The following THSD7B variants were observed in gnomAD, a reference collection of about 807,000 sequenced individuals.
THSD7B encodes thrombospondin type-1 domain-containing protein 7B.
Under a neutral mutation model 213.6 loss-of-function variants are expected in THSD7B, and 138 were observed. That is an observed-to-expected ratio of 0.65 (90% confidence interval 0.56 to 0.74). The LOEUF (loss-of-function observed/expected upper bound fraction) is 0.74. Among genes scored for constraint, THSD7B ranks in the 30% least tolerant of loss-of-function variants. THSD7B has a pLI of 0.00. For missense variants in THSD7B, 1,931 were observed against 1,991.5 expected (o/e 0.97, Z 0.58); for synonymous variants, 742 against 687.0 (o/e 1.08, Z -1.25).
chr2:137,168,439 G>A (rs150647217), intron 6 of THSD7B, among the ~76,000 whole-genome samples: 1 of 152,298 alleles, frequency 6.6e-6, no homozygotes, highest in East Asian at 1.9e-4. Context: ...TTAAGTGCTA[G>A]CAAGAGAATC....
At chr2:136,820,160 A>AT (rs1682544323) in intron 1 of THSD7B, among the ~76,000 whole-genome samples, 1 of 152,192 alleles carries the variant, frequency 6.6e-6, no homozygotes. Flanking sequence ...GAAGGAAGAC[A>AT]TTTTTGTTTC....
intron 1 of THSD7B, among the ~76,000 whole-genome samples, chr2:136,778,954 G>C (rs1010034573): frequency 6.6e-6 from 1 of 152,124 alleles, no homozygotes; most frequent in South Asian, 2.1e-4. Context: ...ATTTTTAAAA[G>C]AGACTCAGGC....
intron 6 of THSD7B, among the ~76,000 whole-genome samples, chr2:137,164,795 C>T (rs1359579218): frequency 6.6e-6 from 1 of 152,146 alleles, no homozygotes; most frequent in Non-Finnish European, 1.5e-5. Context: ...AAACCAAACA[C>T]CGCATATTCT....
chr2:137,263,274 T>TAC (rs964188130), intron 10 of THSD7B, among the ~76,000 whole-genome samples: 4 of 151,774 alleles, frequency 2.6e-5, no homozygotes, highest in African/African-American at 4.8e-5. Flanking sequence ...TATATATATA[T>TAC]ACACACACAT....
At chr2:136,916,123 G>A (rs1206321308) in intron 2 of THSD7B, among the ~76,000 whole-genome samples, 1 of 152,108 alleles carries the variant, frequency 6.6e-6, no homozygotes, top group Non-Finnish European at 1.5e-5. Flanking sequence ...TTTTGTTTTT[G>A]TTTCTTGTTT....
intron 15 of THSD7B, among the ~76,000 whole-genome samples, chr2:137,474,801 T>A (rs1440495588): frequency 6.6e-6 from 1 of 152,148 alleles, no homozygotes; most frequent in Admixed American, 6.5e-5. Flanking sequence ...ATGATGAAAA[T>A]AGTTTCTATC....
intron 14 of THSD7B, among the ~76,000 whole-genome samples, chr2:137,426,415 C>T (rs950461053): frequency 1.4e-4 from 21 of 152,040 alleles, no homozygotes; most frequent in African/African-American, 5.1e-4. Context: ...CACCACACTT[C>T]CTGAGTTAAA....
At chr2:137,551,779 G>A (rs1680853250) in intron 15 of THSD7B, among the ~76,000 whole-genome samples, 1 of 152,056 alleles carries the variant, frequency 6.6e-6, no homozygotes, top group Admixed American at 6.6e-5. Context: ...GTATTCTGAG[G>A]ACATCTGCTC....
chr2:136,828,784 G>C (rs1399969636), intron 1 of THSD7B, among the ~76,000 whole-genome samples: 1 of 152,148 alleles, frequency 6.6e-6, no homozygotes, highest in Non-Finnish European at 1.5e-5. Flanking sequence ...TTTAGTATGA[G>C]GGTCACTTCT....
intron 2 of THSD7B, among the ~76,000 whole-genome samples, chr2:137,012,046 C>A (rs973541331): frequency 1.5e-4 from 23 of 152,150 alleles, no homozygotes; most frequent in African/African-American, 5.3e-4. Flanking sequence ...ATCCTATTCA[C>A]AAAAATTCCA....
Position 136,871,051 on chromosome 2 carries a change from T to C in THSD7B, c.-35-11093T>C, listed in dbSNP as rs541254493. On this transcript the variant is annotated intron_variant, in intron 1 of 27. Transcript: ENST00000409968. ...GCTGTCAACTAGATTTGCAGATGGA[T>C]TGATTTTTCGATGCGACAAAGAAGG... is the stretch of plus-strand genomic sequence containing the variant. Among the ~76,000 whole-genome samples, 52 of 152,050 alleles carry C rather than the reference T, an allele frequency of 3.4e-4. 1 individual carries two copies. The highest frequency in any genetic ancestry group is 6.2e-4 in the Non-Finnish European group (42 of 68,018).
chr2:136,885,532 T>C (rs1683703666), intron 2 of THSD7B, among the ~76,000 whole-genome samples: 1 of 152,146 alleles, frequency 6.6e-6, no homozygotes, highest in Admixed American at 6.6e-5. Flanking sequence ...AAGGATCACG[T>C]CAGCAACAGT....
At chr2:136,988,422 A>C (rs1685705260) in intron 2 of THSD7B, among the ~76,000 whole-genome samples, 1 of 152,230 alleles carries the variant, frequency 6.6e-6, no homozygotes, top group African/African-American at 2.4e-5. Context: ...CAAATCTGCC[A>C]GAGAGAGTTG....
intron 15 of THSD7B, among the ~76,000 whole-genome samples, chr2:137,536,145 T>C (rs1680501578): frequency 6.7e-6 from 1 of 150,032 alleles, no homozygotes; most frequent in African/African-American, 2.4e-5. Context: ...CATGGCCTGT[T>C]AGGGGGCCCT....
intron 3 of THSD7B, among the ~76,000 whole-genome samples, chr2:137,074,736 T>C (rs1485724687): frequency 6.6e-6 from 1 of 152,196 alleles, no homozygotes; most frequent in Non-Finnish European, 1.5e-5. Context: ...GTTGTTCCTT[T>C]CCATGTTTAG....
chr2:137,568,830 C>G (rs1392959406), intron 16 of THSD7B, among the ~76,000 whole-genome samples: 1 of 152,142 alleles, frequency 6.6e-6, no homozygotes, highest in Non-Finnish European at 1.5e-5. Flanking sequence ...GGTGGGGACA[C>G]CAAGCCTAAC....
At chr2:137,111,907 C>T (rs1688352937) in intron 4 of THSD7B, among the ~76,000 whole-genome samples, 1 of 152,132 alleles carries the variant, frequency 6.6e-6, no homozygotes, top group Non-Finnish European at 1.5e-5. Flanking sequence ...CCCACATTCC[C>T]TTTTAACCAA....
intron 2 of THSD7B, among the ~76,000 whole-genome samples, chr2:136,932,906 A>C (rs539411183): frequency 2.0e-5 from 3 of 152,264 alleles, no homozygotes; most frequent in African/African-American, 7.2e-5. Flanking sequence ...GGCCACCAGG[A>C]GGAGGTAATG....
rs916352163 is a variant in THSD7B, at chr2:137,286,326, C to A, written c.2500+10300C>A. On this transcript the variant is annotated intron_variant, in intron 12 of 27. Coordinates refer to ENST00000409968, the MANE Select transcript of THSD7B (RefSeq NM_001316349.2). The stretch of plus-strand genomic sequence containing the variant: ...TATTACCCATCAGCAGCTCATCATC[C>A]AACTTTCGTCTGGAAAACACATAGA... Among the ~76,000 whole-genome samples, 5 of 152,018 alleles carry A rather than the reference C, an allele frequency of 3.3e-5. 1 individual carries two copies. The highest frequency in any genetic ancestry group is 1.3e-4 in the Admixed American group (2 of 15,266).
Sources: allele counts gnomAD v4.1 joint callset (sites outside exome capture counted in the v4.1 genomes callset), GRCh38; gene constraint gnomAD v4.1.1; transcripts MANE v1.5; gene names NCBI Gene and HGNC (gene_info 2026-07-23, HGNC 2026-07-21).